The following CDKAL1 variants were observed in gnomAD, a reference collection of about 807,000 sequenced individuals.
The protein encoded by CDKAL1 is threonylcarbamoyladenosine tRNA methylthiotransferase.
CDKAL1 carries 32 observed loss-of-function variants against 68.2 expected under a neutral mutation model. The observed-to-expected ratio is 0.47, with a 90% CI of 0.35 to 0.63. The LOEUF is 0.63. Among genes scored for constraint, CDKAL1 ranks in the 30% least tolerant of loss-of-function variants. CDKAL1 has a pLI of 0.00. For synonymous variants in CDKAL1, 234 were observed against 244.3 expected, an observed-to-expected ratio of 0.96 and a Z score of 0.39; for missense variants, 606 against 696.7, an observed-to-expected ratio of 0.87 and a Z score of 1.47.
chr6:20,937,322 A>G (rs1452256392), intron 9 of CDKAL1, among the ~76,000 whole-genome samples: 1 of 152,226 alleles, frequency 6.6e-6, no homozygotes, highest in Non-Finnish European at 1.5e-5. Flanking sequence ...AACTGGGATC[A>G]AGTGATCATC....
chr6:20,576,526 A>G (rs1210154693), intron 4 of CDKAL1, among the ~76,000 whole-genome samples: 1 of 152,228 alleles, frequency 6.6e-6, no homozygotes, highest in African/African-American at 2.4e-5. Flanking sequence ...TGGTAAAGCA[A>G]TTCTTATTTT....
intron 15 of CDKAL1, among the ~76,000 whole-genome samples, chr6:21,216,725 G>A (rs1779349851): frequency 6.6e-6 from 1 of 152,088 alleles, no homozygotes; most frequent in African/African-American, 2.4e-5. Flanking sequence ...CACAGGTCTT[G>A]AACCCCCATC....
chr6:20,641,405 AG>A (rs1423216047), intron 4 of CDKAL1, among the ~76,000 whole-genome samples: 1 of 152,142 alleles, frequency 6.6e-6, no homozygotes, highest in Non-Finnish European at 1.5e-5. Flanking sequence ...AAATTATAAA[AG>A]TAGTATCCAT....
At chr6:20,927,057 G>A (rs1471867827) in intron 9 of CDKAL1, among the ~76,000 whole-genome samples, 1 of 151,900 alleles carries the variant, frequency 6.6e-6, no homozygotes, top group African/African-American at 2.4e-5. Flanking sequence ...AGAGAAATAA[G>A]AGAAAGTTAG....
chr6:20,888,695 T>C (rs1761221266), intron 9 of CDKAL1, among the ~76,000 whole-genome samples: 1 of 151,918 alleles, frequency 6.6e-6, no homozygotes, highest in Admixed American at 6.6e-5. Context: ...ACAAAGGACA[T>C]GAACTCATCA....
intron 13 of CDKAL1, among the ~76,000 whole-genome samples, chr6:21,163,234 G>A (rs1777000548): frequency 1.3e-5 from 2 of 152,138 alleles, no homozygotes; most frequent in South Asian, 2.1e-4. Flanking sequence ...CAGATGTGGT[G>A]GTTGTTCCTG....
intron 10 of CDKAL1, among the ~76,000 whole-genome samples, chr6:20,981,087 T>C (rs888906683): frequency 1.3e-5 from 2 of 152,134 alleles, no homozygotes; most frequent in African/African-American, 4.8e-5. Flanking sequence ...TTCAGAGGTT[T>C]TGAAACTGGG....
chr6:20,894,276 A>G (rs566871188), intron 9 of CDKAL1, among the ~76,000 whole-genome samples: 3 of 152,182 alleles, frequency 2.0e-5, no homozygotes, highest in African/African-American at 4.8e-5. Flanking sequence ...TATATATTCA[A>G]TGAAAATTAT....
chr6:20,634,057 C>T (rs982053570), intron 4 of CDKAL1, among the ~76,000 whole-genome samples: 3 of 152,100 alleles, frequency 2.0e-5, no homozygotes, highest in South Asian at 2.1e-4. Context: ...GAATTGGTGC[C>T]GATCCTGGAA....
chr6:21,124,697 T>C (rs1237281761), intron 13 of CDKAL1, among the ~76,000 whole-genome samples: 1 of 151,546 alleles, frequency 6.6e-6, no homozygotes, highest in Non-Finnish European at 1.5e-5. Context: ...AGATAAATTA[T>C]AGGTTCACTT....
chr6:21,116,983 C>T (rs1361172744), intron 13 of CDKAL1, among the ~76,000 whole-genome samples: 2 of 152,220 alleles, frequency 1.3e-5, no homozygotes, highest in Non-Finnish European at 2.9e-5. Flanking sequence ...GGCTGGTCAC[C>T]TCCTGTTCTG....
intron 5 of CDKAL1, among the ~76,000 whole-genome samples, chr6:20,706,343 C>CT (rs1170097042): frequency 1.3e-5 from 2 of 152,146 alleles, no homozygotes; most frequent in Non-Finnish European, 2.9e-5. Flanking sequence ...ATCTCTCAGT[C>CT]TAACTTCTTT....
At chr6:21,093,752 G>C (rs1738639350) in intron 12 of CDKAL1, among the ~76,000 whole-genome samples, 1 of 127,066 alleles carries the variant, frequency 7.9e-6, no homozygotes, top group African/African-American at 3.1e-5. Context: ...GGGCCTCTCT[G>C]TCTTCCAGGC....
chr6:20,867,175 C>A (rs1759953482), intron 9 of CDKAL1, among the ~76,000 whole-genome samples: 1 of 152,164 alleles, frequency 6.6e-6, no homozygotes, highest in South Asian at 2.1e-4. Flanking sequence ...TAGCCAGCAT[C>A]TCGGCATTTG....
At chr6:20,672,252 TTC>T (rs368031667) in intron 5 of CDKAL1, among the ~76,000 whole-genome samples, 6 of 130,622 alleles carry the variant, frequency 4.6e-5, no homozygotes, top group Non-Finnish European at 8.0e-5. Flanking sequence ...CTTTCTTTCT[TTC>T]TTTCTTTCTT....
intron 5 of CDKAL1, among the ~76,000 whole-genome samples, chr6:20,655,687 C>T (rs552754378): frequency 6.6e-6 from 1 of 152,130 alleles, no homozygotes; most frequent in Non-Finnish European, 1.5e-5. Flanking sequence ...CACCCCAACA[C>T]CACACCTCCC....
intron 7 of CDKAL1, among the ~76,000 whole-genome samples, chr6:20,780,606 A>G (rs572259952): frequency 1.3e-5 from 2 of 152,110 alleles, no homozygotes; most frequent in South Asian, 2.1e-4. Flanking sequence ...CATCTGTGCA[A>G]ATATAAGCAA....
intron 13 of CDKAL1, among the ~76,000 whole-genome samples, chr6:21,169,892 T>C (rs1018480019): frequency 7.3e-5 from 11 of 150,878 alleles, no homozygotes; most frequent in African/African-American, 2.5e-4. Flanking sequence ...ATGAGACTTA[T>C]TCTCTCTCAC....
At chr6:21,065,022 T>C (rs767014585) in intron 11 of CDKAL1, 26 bp from the exon 12 acceptor site, 29 of 1,447,274 alleles carry the variant, frequency 2.0e-5, no homozygotes, top group Middle Eastern at 1.8e-4. Context: ...GTCAAGTTTT[T>C]ACATTTTTGT....
Sources: gnomAD v4.1 joint callset for allele counts (sites outside exome capture counted in the v4.1 genomes callset) on GRCh38, gnomAD v4.1.1 for gene constraint, MANE v1.5 for transcripts, NCBI Gene and HGNC (gene_info 2026-07-23, HGNC 2026-07-21) for gene names.